SBF2: variants seen among roughly 807,000 people sequenced by gnomAD.
SBF2 encodes myotubularin-related protein 13.
In SBF2, 112 loss-of-function variants were observed where a neutral mutation model predicts 225.2. The observed-to-expected ratio is 0.50, with a 90% CI of 0.43 to 0.58. The LOEUF (loss-of-function observed/expected upper bound fraction) is 0.58, where lower values mean the gene tolerates loss of function less well. Among genes scored for constraint, SBF2 ranks in the 20% least tolerant of loss-of-function variants. The pLI is 0.00. For synonymous variants in SBF2, 763 were observed against 773.3 expected, an observed-to-expected ratio of 0.99 and a Z score of 0.22; for missense variants, 1,996 against 2,206.2, an observed-to-expected ratio of 0.90 and a Z score of 1.91.
chr11:10,035,367 G>A (rs547405049), intron 3 of SBF2, among the ~76,000 whole-genome samples: 9 of 152,264 alleles, frequency 5.9e-5, no homozygotes, highest in South Asian at 2.1e-4. Flanking sequence ...AAGACTTCAC[G>A]TCTAAAACAC....
chr11:10,043,657 C>T (rs141046912), intron 2 of SBF2, among the ~76,000 whole-genome samples: 3 of 152,234 alleles, frequency 2.0e-5, no homozygotes, highest in African/African-American at 7.2e-5. Context: ...TCACTTTAAC[C>T]CCAACCCCCT....
intron 38 of SBF2, among the ~76,000 whole-genome samples, chr11:9,782,860 A>C (rs1459003046): frequency 1.4e-5 from 2 of 146,464 alleles, no homozygotes; most frequent in Admixed American, 1.4e-4. Flanking sequence ...ACAAAGCGAG[A>C]CTCTGTCTCA....
intron 1 of SBF2, among the ~76,000 whole-genome samples, chr11:10,234,788 T>C (rs559821644): frequency 6.6e-6 from 1 of 152,276 alleles, no homozygotes; most frequent in African/African-American, 2.4e-5. Context: ...AAAGAATGCA[T>C]GCATCCAAAA....
chr11:10,011,718 G>A (rs6483883), intron 6 of SBF2, among the ~76,000 whole-genome samples: 76,376 of 151,886 alleles, frequency 0.5, 19,620 homozygotes, highest in Admixed American at 0.59. Context: ...TGAGAGACCC[G>A]CTGCAATAAT....
chr11:10,042,103 G>GGT (rs1394557862), intron 3 of SBF2, among the ~76,000 whole-genome samples: 1 of 152,138 alleles, frequency 6.6e-6, no homozygotes, highest in Admixed American at 6.5e-5. Context: ...GCACAACTAT[G>GGT]GTGAAGGTTA....
chr11:9,881,656 G>A (rs1859769197), intron 17 of SBF2, among the ~76,000 whole-genome samples: 3 of 151,984 alleles, frequency 2.0e-5, no homozygotes, highest in African/African-American at 7.3e-5. Context: ...CAGAAGTCAT[G>A]TCAGCTTCAG....
At chr11:10,078,173 C>T (rs11042610) in intron 2 of SBF2, among the ~76,000 whole-genome samples, 4,586 of 152,006 alleles carry the variant, frequency 0.03, 317 homozygotes, top group East Asian at 0.19. Flanking sequence ...AATAGAAACG[C>T]TTTTACACTA....
chr11:9,968,379 A>G lies in SBF2; in HGVS notation c.1562T>C (p.Ile521Thr), dbSNP rs761972965. 1.9e-6 allele frequency: 3 copies of G among 1,614,160 alleles called. No individual in the cohort carries two copies. The highest frequency in any genetic ancestry group is 2.2e-5 in the South Asian group (2 of 91,078). ...KNQNAPPATR[I>T]EKKCVVPAGP... ...TGCTGGCACAACACATTTCTTTTCTATTCGTGTGGCAGGAGGTGCATTCTG... is the reference window on the plus strand; with the variant it reads ...TGCTGGCACAACACATTTCTTTTCTGTTCGTGTGGCAGGAGGTGCATTCTG... Residue 521 changes from isoleucine to threonine, a missense_variant, in exon 14 of 40, where the codon ATA becomes ACA. Transcript: ENST00000256190.
intron 16 of SBF2, among the ~76,000 whole-genome samples, chr11:9,939,872 G>A (rs533515102): frequency 1.8e-4 from 28 of 152,134 alleles, no homozygotes; most frequent in Admixed American, 7.2e-4. Context: ...TGAAAGCCTC[G>A]CTCCTAAACT....
intron 13 of SBF2, among the ~76,000 whole-genome samples, chr11:9,975,656 T>C (rs1946647086): frequency 6.6e-6 from 1 of 152,180 alleles, no homozygotes; most frequent in Non-Finnish European, 1.5e-5. Context: ...ACCTGACTTA[T>C]AAGTGAACAA....
At chr11:9,995,879 C>T (rs1458020104) in intron 9 of SBF2, among the ~76,000 whole-genome samples, 3 of 148,024 alleles carry the variant, frequency 2.0e-5, no homozygotes, top group Non-Finnish European at 4.5e-5. Flanking sequence ...AGGCTGGTCT[C>T]GAACTCCTGA....
Position 9,918,561 on chromosome 11 carries a change from A to G in SBF2, c.1861-22550T>C, listed in dbSNP as rs370081114. 3.0e-4 allele frequency among the ~76,000 whole-genome samples: 45 copies of G among 151,878 alleles called. No individual in the cohort carries two copies. In the South Asian group the frequency reaches 8.7e-3, roughly 29 times the overall value. The stretch of plus-strand genomic sequence containing the variant: ...ATTTTATTTATTTTTTTGCAGAGAC[A>G]AGGTTTTGCCATGTTGCACAGACTG... On this transcript the variant is annotated intron_variant, in intron 16 of 39. Coordinates refer to ENST00000256190, the MANE Select transcript of SBF2 (RefSeq NM_030962.4).
At chr11:10,271,058 T>C (rs1962453886) in intron 1 of SBF2, among the ~76,000 whole-genome samples, 1 of 149,212 alleles carries the variant, frequency 6.7e-6, no homozygotes, top group African/African-American at 2.5e-5. Flanking sequence ...CGTATATGGA[T>C]GCACACAAAA....
At chr11:9,817,307 A>G (rs1328431879) in intron 28 of SBF2, among the ~76,000 whole-genome samples, 5 of 152,222 alleles carry the variant, frequency 3.3e-5, no homozygotes, top group African/African-American at 4.8e-5. Context: ...AGTAAATACT[A>G]AGATCTTAAG....
At chr11:9,838,388 A>G (rs1855873246) in intron 26 of SBF2, 2 of 152,254 alleles carry the variant, frequency 1.3e-5, no homozygotes, top group South Asian at 4.1e-4. Flanking sequence ...AATGGCTGGC[A>G]TAATTTTGAT....
Position 9,842,709 on chromosome 11 carries a change from G to C in SBF2, c.3172C>G (p.Gln1058Glu). ...CCTGTCTTCTTCTTCAGTAAATATT[G>C]CCGCCCAATTGTCATTTTCCCTGCC... The part of the protein sequence containing the change: ...KRAGKMTIGR[Q>E]YLLKKKTGTI... The change falls in exon 25 of 40, where the codon CAA becomes GAA. Residue 1058 changes from glutamine (Q) to glutamate (E), a missense_variant. By Grantham distance (29) the Gln-to-Glu change is conservative. Transcript: ENST00000256190. The C allele has an allele frequency of 6.2e-7, 1 of 1,613,852 alleles. No individual in the cohort carries two copies.
chr11:10,291,269 A>T (rs868357756), intron 1 of SBF2, among the ~76,000 whole-genome samples: 2 of 152,128 alleles, frequency 1.3e-5, no homozygotes, highest in Non-Finnish European at 1.5e-5. Context: ...GAATGGGATT[A>T]GTTCCCTTTT....
intron 2 of SBF2, among the ~76,000 whole-genome samples, chr11:10,177,984 C>T (rs1209335841): frequency 6.8e-6 from 1 of 147,504 alleles, no homozygotes; most frequent in Non-Finnish European, 1.5e-5. Flanking sequence ...GGTACTGGTA[C>T]CAAAACAGAG....
chr11:10,108,209 T>A (rs904816008), intron 2 of SBF2, among the ~76,000 whole-genome samples: 2 of 152,302 alleles, frequency 1.3e-5, no homozygotes, highest in Admixed American at 1.3e-4. Context: ...TGAGAAAGGA[T>A]AGCAGAACAC....
Sources: gnomAD v4.1 joint callset for allele counts (sites outside exome capture counted in the v4.1 genomes callset) on GRCh38, gnomAD v4.1.1 for gene constraint, MANE v1.5 for transcripts, NCBI Gene and HGNC (gene_info 2026-07-23, HGNC 2026-07-21) for gene names.